The following PCDHGB2 variants were observed in gnomAD, a reference collection of about 807,000 sequenced individuals.
PCDHGB2 encodes the protein protocadherin gamma subfamily B, 2, also known as protocadherin gamma-B2.
A neutral mutation model predicts 59.3 loss-of-function variants in PCDHGB2; 55 were observed. The ratio of observed to expected loss-of-function variants is 0.93; its 90% CI spans 0.75 to 1.16. The LOEUF is 1.16. Ranked by LOEUF, PCDHGB2 falls within the 50% of genes most tolerant of loss-of-function variation. PCDHGB2 has a pLI of 0.00. For missense variants in PCDHGB2, 1,228 were observed against 1,198.5 expected (o/e 1.02, Z -0.36); for synonymous variants, 516 against 512.0 (o/e 1.01, Z -0.11).
intron 1 of PCDHGB2, among the ~76,000 whole-genome samples, chr5:141,382,019 G>T (rs1777875192): frequency 6.6e-6 from 1 of 151,628 alleles, no homozygotes; most frequent in South Asian, 2.1e-4. Flanking sequence ...AGTAGAGACG[G>T]GGTTTCTCCA....
intron 1 of PCDHGB2, chr5:141,414,308 T>C: frequency 6.2e-7 from 1 of 1,613,764 alleles, no homozygotes; most frequent in Non-Finnish European, 8.5e-7. Context: ...GTGCATGATT[T>C]AGACTCTGAG....
intron 1 of PCDHGB2, among the ~76,000 whole-genome samples, chr5:141,450,564 G>A (rs1397334260): frequency 2.0e-5 from 3 of 151,932 alleles, no homozygotes; most frequent in African/African-American, 7.3e-5. Context: ...TCGGCTCACT[G>A]CAACTTCTGC....
chr5:141,501,501 T>C (rs2099809553), intron 2 of PCDHGB2, among the ~76,000 whole-genome samples: 1 of 151,938 alleles, frequency 6.6e-6, no homozygotes, highest in Non-Finnish European at 1.5e-5. Context: ...CTGCTGGGGC[T>C]CCAAGGCCTC....
chr5:141,487,297 C>A lies in PCDHGB2; in HGVS notation c.2422-7510C>A. ...TTTGCTTTGTCTCCTTTGGCTCATT[C>A]GTGGCACTACTCTCTAAGTGTCTTC... is the stretch of plus-strand genomic sequence containing the variant. On this transcript the variant is annotated intron_variant, in intron 1 of 3. Transcript: ENST00000522605. This position sits in a 1 kb window ranked among gnomAD's most constrained non-coding sequence, Gnocchi z 5.0. 1 of 1,614,102 alleles carries A rather than the reference C, an allele frequency of 6.2e-7. No homozygotes were observed. The highest frequency in any genetic ancestry group is 8.5e-7 in the Non-Finnish European group (1 of 1,180,002).
In PCDHGB2 at chr5:141,486,981, A is replaced by G. The variant is rs1457098151; in HGVS notation, c.2422-7826A>G. Reference sequence around the variant, plus strand: ...GCTGTGGACTTGGATTCAGGTTACAATGCTTGGGTTTCCTATCAGCTCCTG... The same window carrying G: ...GCTGTGGACTTGGATTCAGGTTACAGTGCTTGGGTTTCCTATCAGCTCCTG... On this transcript the variant is annotated intron_variant, in intron 1 of 3. Coordinates refer to ENST00000522605, the MANE Select transcript of PCDHGB2 (RefSeq NM_018923.3). The surrounding 1 kb of genome is among the most constrained non-coding windows in gnomAD (Gnocchi z 5.0). 17 of 1,614,038 alleles carry G rather than the reference A, an allele frequency of 1.1e-5. No individual in the cohort carries two copies. The highest frequency in any genetic ancestry group is 4.0e-5 in the African/African-American group (3 of 74,922).
rs762312563 is a variant in PCDHGB2 at position 141,493,182 on chromosome 5, A to G, written c.2422-1625A>G. Among the ~76,000 whole-genome samples, 1 of 152,232 alleles carries G rather than the reference A, an allele frequency of 6.6e-6. No homozygotes were observed. The highest frequency in any genetic ancestry group is 2.4e-5 in the African/African-American group (1 of 41,460). The stretch of plus-strand genomic sequence containing the variant: ...TAGCTGATTGAGAGAAACTTACTAT[A>G]TAACTCCTTTGAGAACCTCATCTCA... On this transcript the variant is annotated intron_variant, in intron 1 of 3. Coordinates refer to ENST00000522605, the MANE Select transcript of PCDHGB2 (RefSeq NM_018923.3). The surrounding 1 kb of genome is among the most constrained non-coding windows in gnomAD (Gnocchi z 4.3).
At chr5:141,383,189 C>A (rs1588938013) in intron 1 of PCDHGB2, 1 of 1,614,068 alleles carries the variant, frequency 6.2e-7, no homozygotes, top group Non-Finnish European at 8.5e-7. Context: ...GAGATCTGCG[C>A]TCAGAGTGCG....
chr5:141,439,150 G>A (rs971023726), intron 1 of PCDHGB2, among the ~76,000 whole-genome samples: 7 of 149,122 alleles, frequency 4.7e-5, no homozygotes, highest in South Asian at 2.1e-4. Flanking sequence ...CTGAGATCAC[G>A]CCACTGCACT....
intron 1 of PCDHGB2, among the ~76,000 whole-genome samples, chr5:141,472,497 G>A (rs1196427013): frequency 1.3e-5 from 2 of 151,958 alleles, no homozygotes; most frequent in Non-Finnish European, 2.9e-5. Context: ...ACGAGATCGT[G>A]CCACTGCACT....
chr5:141,489,112 A>C lies in PCDHGB2; in HGVS notation c.2422-5695A>C. 3 of 412,420 alleles carry C rather than the reference A, an allele frequency of 7.3e-6. No individual in the cohort carries two copies. Among genetic ancestry groups the C allele is most frequent in the South Asian group, 4.2e-5 (1 of 23,838 alleles). The allele number at this position is 412,420 out of a possible 1,614,324, so 25.5% of individuals were successfully genotyped here. ...TGACTAAGAACTGCTGCAAGCAGGC[A>C]AACCTCCGAGCAGTTTTTAAGAGGC... is the stretch of plus-strand genomic sequence containing the variant. On this transcript the variant is annotated intron_variant, in intron 1 of 3. Coordinates refer to ENST00000522605, the MANE Select transcript of PCDHGB2 (RefSeq NM_018923.3). The surrounding 1 kb of genome is among the most constrained non-coding windows in gnomAD (Gnocchi z 4.5).
chr5:141,451,165 A>G (rs2098709571), intron 1 of PCDHGB2, among the ~76,000 whole-genome samples: 1 of 152,116 alleles, frequency 6.6e-6, no homozygotes, highest in Admixed American at 6.6e-5. Context: ...TTTTGGTAGT[A>G]TATTATTTAG....
At chr5:141,367,962 C>T (rs766516338) in intron 1 of PCDHGB2, among the ~76,000 whole-genome samples, 3 of 152,076 alleles carry the variant, frequency 2.0e-5, no homozygotes, top group Admixed American at 1.3e-4. Context: ...TCATATCTAA[C>T]GTATGTGCTC....
intron 1 of PCDHGB2, among the ~76,000 whole-genome samples, chr5:141,479,107 G>A (rs1212999480): frequency 6.6e-6 from 1 of 152,090 alleles, no homozygotes; most frequent in Non-Finnish European, 1.5e-5. Flanking sequence ...TTTATTTCAA[G>A]CATTCTACTG....
In PCDHGB2 at chr5:141,456,878, G is replaced by T. The variant is rs71583646; in HGVS notation, c.2422-37929G>T. On this transcript the variant is annotated intron_variant, in intron 1 of 3. Coordinates refer to ENST00000522605, the MANE Select transcript of PCDHGB2 (RefSeq NM_018923.3). ...ATTGGGAGGCTGAGGCAGGAGAATCGCTTGAACCCGGGAGGCAGAGGTTGC... is the reference window on the plus strand; with the variant it reads ...ATTGGGAGGCTGAGGCAGGAGAATCTCTTGAACCCGGGAGGCAGAGGTTGC... Among the ~76,000 whole-genome samples, 307 of 152,160 alleles carry T rather than the reference G, an allele frequency of 2.0e-3. 1 individual carries two copies. The highest frequency in any genetic ancestry group is 0.01 in the Middle Eastern group (3 of 294).
At chr5:141,495,278 C>A (rs2099760057) in intron 2 of PCDHGB2, among the ~76,000 whole-genome samples, 1 of 152,174 alleles carries the variant, frequency 6.6e-6, no homozygotes, top group Non-Finnish European at 1.5e-5. Context: ...CCGGAGGAGG[C>A]GGTCCGCACT....
chr5:141,399,436 C>T (rs550386808), intron 1 of PCDHGB2: 12 of 1,613,996 alleles, frequency 7.4e-6, no homozygotes, highest in Admixed American at 3.3e-5. Context: ...CGTCATCCTA[C>T]ATATCAGAGA....
intron 2 of PCDHGB2, among the ~76,000 whole-genome samples, chr5:141,504,479 G>T (rs1270717855): frequency 6.6e-6 from 1 of 152,100 alleles, no homozygotes; most frequent in African/African-American, 2.4e-5. Context: ...TGGGAGTACA[G>T]TGGAGGCACC....
At position 141,438,956 on chromosome 5, in the gene PCDHGB2, G is replaced by A. The variant is rs140181975; in HGVS notation, c.2422-55851G>A. 3.9e-3 allele frequency among the ~76,000 whole-genome samples: 592 copies of A among 151,974 alleles called. 6 individuals are homozygous for A. Among genetic ancestry groups the A allele is most frequent in the Admixed American group, 0.011 (171 of 15,242 alleles). On this transcript the variant is annotated intron_variant, in intron 1 of 3. Coordinates refer to ENST00000522605, the MANE Select transcript of PCDHGB2 (RefSeq NM_018923.3). ...GCTGGGATTATAGGCATGAGCCACCGCACCCTGCCAACTGTCTGACTTATC... is the reference window on the plus strand; with the variant it reads ...GCTGGGATTATAGGCATGAGCCACCACACCCTGCCAACTGTCTGACTTATC...
chr5:141,364,872 A>G (rs760519562), intron 1 of PCDHGB2: 6 of 1,613,890 alleles, frequency 3.7e-6, no homozygotes, highest in Non-Finnish European at 5.1e-6. Context: ...TTCTCTCTGG[A>G]TGTGGTAAGC....
Sources: allele counts gnomAD v4.1 joint callset (sites outside exome capture counted in the v4.1 genomes callset), GRCh38; gene constraint gnomAD v4.1.1; non-coding constraint Gnocchi (gnomAD v3.1); transcripts MANE v1.5; gene names NCBI Gene and HGNC (gene_info 2026-07-23, HGNC 2026-07-21).